ANKRD17: variants seen among roughly 807,000 people sequenced by gnomAD.
ANKRD17 encodes the protein ankyrin repeat domain 17.
In ANKRD17, 19 loss-of-function variants were observed where a neutral mutation model predicts 229.7. The observed-to-expected ratio is 0.08, with a 90% CI of 0.06 to 0.12. ANKRD17 has a LOEUF of 0.12. Ranked by LOEUF, ANKRD17 falls within the 10% of genes least tolerant of loss-of-function variation. The probability of loss-of-function intolerance (pLI) is 1.00; values close to 1 mark genes in which losing one functional copy is unlikely to be tolerated. For synonymous variants in ANKRD17, 1,112 were observed against 1,146.1 expected, an observed-to-expected ratio of 0.97 and a Z score of 0.60; for missense variants, 2,176 against 3,176.8, an observed-to-expected ratio of 0.68 and a Z score of 7.57.
chr4:73,090,579 G>A, intron 29 of ANKRD17, 88 bp downstream of exon 29: 1 of 1,517,664 alleles, frequency 6.6e-7, no homozygotes. Flanking sequence ...ATATCGTCCA[G>A]AGAATAAAAA....
At chr4:73,134,261 G>A (rs962251425) in intron 16 of ANKRD17, among the ~76,000 whole-genome samples, 1 of 151,812 alleles carries the variant, frequency 6.6e-6, no homozygotes, top group Admixed American at 6.6e-5. Flanking sequence ...TTCTCCCCAC[G>A]TTACCCCTGC....
In ANKRD17 at chr4:73,148,807, G is replaced by A. The variant is rs200759769; in HGVS notation, c.1567+6C>T. On this transcript the variant is annotated splice_donor_region_variant and intron_variant, in intron 8 of 33. Transcript: ENST00000358602. ...TATACTTTAGTGTCTTGATAGATAC[G>A]GTTACCTTGACCAAGAAGTAATGCC... The A allele has an allele frequency of 5.6e-6, 9 of 1,609,474 alleles. No individual in the cohort carries two copies. The highest frequency in any genetic ancestry group is 2.2e-5 in the East Asian group (1 of 44,840).
At chr4:73,220,673 CAAAAG>C (rs888897874) in intron 1 of ANKRD17, among the ~76,000 whole-genome samples, 20 of 151,982 alleles carry the variant, frequency 1.3e-4, no homozygotes, top group African/African-American at 4.8e-4. Context: ...GTTTATGATT[CAAAAG>C]ATCAAGTTAC....
At chr4:73,199,258 T>C (rs933240745) in intron 1 of ANKRD17, among the ~76,000 whole-genome samples, 2 of 129,328 alleles carry the variant, frequency 1.5e-5, no homozygotes, top group African/African-American at 5.6e-5. Flanking sequence ...TGTGTGTGTG[T>C]TGGGAGGAGG....
chr4:73,130,810 G>A (rs1044998659), intron 16 of ANKRD17, among the ~76,000 whole-genome samples: 1 of 151,884 alleles, frequency 6.6e-6, no homozygotes, highest in African/African-American at 2.4e-5. Context: ...TCCTAGAATC[G>A]ATCATATTTT....
chr4:73,252,015 T>C (rs1226518179), intron 1 of ANKRD17, among the ~76,000 whole-genome samples: 1 of 152,258 alleles, frequency 6.6e-6, no homozygotes, highest in Non-Finnish European at 1.5e-5. Flanking sequence ...AGGGATCTAC[T>C]GTAAATAATA....
At chr4:73,247,213 G>T (rs1327395453) in intron 1 of ANKRD17, among the ~76,000 whole-genome samples, 1 of 151,958 alleles carries the variant, frequency 6.6e-6, no homozygotes, top group Non-Finnish European at 1.5e-5. Context: ...TCAGAAAAAT[G>T]AAAACAAAAC....
intron 1 of ANKRD17, among the ~76,000 whole-genome samples, chr4:73,211,187 AAT>A (rs1253646487): frequency 6.6e-6 from 1 of 152,116 alleles, no homozygotes. Context: ...CAGAGCAGAA[AAT>A]AGTAGGAGCT....
intron 16 of ANKRD17, among the ~76,000 whole-genome samples, chr4:73,132,045 A>G (rs1449577105): frequency 2.6e-5 from 4 of 151,610 alleles, no homozygotes; most frequent in African/African-American, 9.7e-5. Context: ...CTTTTGTTTG[A>G]TTGAGTATAA....
intron 2 of ANKRD17, among the ~76,000 whole-genome samples, chr4:73,162,485 T>C (rs1732660427): frequency 6.6e-6 from 1 of 152,134 alleles, no homozygotes; most frequent in African/African-American, 2.4e-5. Flanking sequence ...TGTAAACTAC[T>C]TCATCGGGCC....
In ANKRD17 at chr4:73,125,265, G is replaced by A; in HGVS notation, c.3282C>T (p.Gly1094=). The change falls in exon 17 of 34, where the codon GGC becomes GGT. Residue 1094 remains glycine, a synonymous_variant. Transcript: ENST00000358602. ...DTALTLACAG[G]HEELVQTLLE... ...GCAGTGTTTGTACCAGTTCCTCGTG[G>A]CCACCAGCACAGGCAAGTGTTAGTG... 6.2e-7 allele frequency: 1 copy of A among 1,613,722 alleles called. No individual in the cohort carries two copies. The highest frequency in any genetic ancestry group is 8.5e-7 in the Non-Finnish European group (1 of 1,179,892).
At chr4:73,239,922 A>C (rs776618198) in intron 1 of ANKRD17, among the ~76,000 whole-genome samples, 1 of 152,204 alleles carries the variant, frequency 6.6e-6, no homozygotes. Flanking sequence ...TTACCCCCTC[A>C]ATAGAATTAA....
At chr4:73,085,209 A>G (rs1363298873) in intron 30 of ANKRD17, 40 bp downstream of exon 30, 7 of 1,586,728 alleles carry the variant, frequency 4.4e-6, no homozygotes, top group Non-Finnish European at 6.0e-6. Flanking sequence ...TTAAGAAAAC[A>G]TATGCAGATT....
chr4:73,136,370 A>G (rs147779894), intron 15 of ANKRD17, among the ~76,000 whole-genome samples: 38 of 152,312 alleles, frequency 2.5e-4, no homozygotes, highest in Middle Eastern at 6.8e-3. Context: ...CCTGTCAAGA[A>G]TAAAACTGAA....
chr4:73,182,139 A>G (rs555823208), intron 1 of ANKRD17, among the ~76,000 whole-genome samples: 6 of 151,408 alleles, frequency 4.0e-5, no homozygotes, highest in Admixed American at 1.3e-4. Context: ...GAAATATATA[A>G]ATAACTTCCA....
chr4:73,194,698 T>C (rs1354081749), intron 1 of ANKRD17, among the ~76,000 whole-genome samples: 1 of 152,194 alleles, frequency 6.6e-6, no homozygotes, highest in Non-Finnish European at 1.5e-5. Flanking sequence ...ATATATCATA[T>C]ACTGTAATAC....
Position 73,120,863 on chromosome 4 carries a change from T to C in ANKRD17, c.3849+18A>G. 1 of 1,603,606 alleles carries C rather than the reference T, an allele frequency of 6.2e-7. No homozygotes were observed. Among genetic ancestry groups the C allele is most frequent in the Non-Finnish European group, 8.5e-7 (1 of 1,173,744 alleles). On this transcript the variant is annotated intron_variant, in intron 20 of 33. Coordinates refer to ENST00000358602, the MANE Select transcript of ANKRD17 (RefSeq NM_032217.5). ...TCAAAGCAATAAATTCATGTGTAAA[T>C]CTCAGACTTTTTCTTACCTTAGCTC... is the stretch of plus-strand genomic sequence containing the variant.
chr4:73,092,013 T>C lies in ANKRD17; in HGVS notation c.5615A>G (p.Asn1872Ser). 1 of 1,614,200 alleles carries C rather than the reference T, an allele frequency of 6.2e-7. No homozygotes were observed. The highest frequency in any genetic ancestry group is 8.5e-7 in the Non-Finnish European group (1 of 1,180,032). ...AGAAACTGGAAAACCAGGCCTCACA[T>C]TATTCACTGGGTTCTTAATGGTTTT... ...THKTIKNPVN[N>S]VRPGFPVSLP... Residue 1872 changes from asparagine to serine, a missense_variant, in exon 29 of 34, where the codon AAT becomes AGT. Asn to Ser is a conservative substitution (Grantham distance 46, BLOSUM62 1). Coordinates refer to ENST00000358602, the MANE Select transcript of ANKRD17 (RefSeq NM_032217.5).
chr4:73,107,857 A>C (rs1724829185), intron 24 of ANKRD17, among the ~76,000 whole-genome samples: 1 of 152,146 alleles, frequency 6.6e-6, no homozygotes, highest in Non-Finnish European at 1.5e-5. Flanking sequence ...CAGAAGTGTG[A>C]TATGATTTGA....
Sources: allele counts gnomAD v4.1 joint callset (sites outside exome capture counted in the v4.1 genomes callset), GRCh38; gene constraint gnomAD v4.1.1; transcripts MANE v1.5; gene names NCBI Gene and HGNC (gene_info 2026-07-23, HGNC 2026-07-21).